COA1: variants seen among roughly 807,000 people sequenced by gnomAD.
COA1 encodes the protein cytochrome c oxidase assembly factor 1.
Under a neutral mutation model 16.0 loss-of-function variants are expected in COA1, and 13 were observed. The observed-to-expected ratio is 0.81, with a 90% confidence interval of 0.53 to 1.29. The LOEUF is 1.29. COA1 is among the 50% of genes most tolerant of loss of function. The pLI is 0.00. For synonymous variants in COA1, 65 were observed against 65.7 expected (o/e 0.99, Z 0.05); for missense variants, 179 against 177.0 (o/e 1.01, Z -0.06).
At chr7:43,620,292 G>T (rs903473792) in intron 6 of COA1, among the ~76,000 whole-genome samples, 1 of 152,322 alleles carries the variant, frequency 6.6e-6, no homozygotes, top group Admixed American at 6.5e-5. Flanking sequence ...AGGAAAATTG[G>T]AGTTTGAAAG....
chr7:43,692,510 C>T (rs955692759), intron 1 of COA1, among the ~76,000 whole-genome samples: 2 of 151,812 alleles, frequency 1.3e-5, no homozygotes, highest in African/African-American at 4.8e-5. Context: ...ACAGCAAGAC[C>T]CTGTCTTAAA....
chr7:43,724,799 C>G, intron 1 of COA1, among the ~76,000 whole-genome samples: 1 of 152,182 alleles, frequency 6.6e-6, no homozygotes, highest in East Asian at 1.9e-4. Flanking sequence ...AAACCAGACT[C>G]AAAAGGACAA....
chr7:43,654,714 TG>T (rs1460452199), intron 1 of COA1, among the ~76,000 whole-genome samples: 1 of 151,974 alleles, frequency 6.6e-6, no homozygotes, highest in Non-Finnish European at 1.5e-5. Flanking sequence ...CTAGAGTAAA[TG>T]GAAGATGAGA....
chr7:43,691,425 G>GGAAGGAAGAA (rs2094350011), intron 1 of COA1, among the ~76,000 whole-genome samples: 1 of 32,436 alleles, frequency 3.1e-5, no homozygotes, highest in South Asian at 1.6e-3. Context: ...GAAAGAAAAA[G>GGAAGGAAGAA]AAAGAAAGAA....
At chr7:43,698,920 G>C (rs1668653550) in intron 1 of COA1, among the ~76,000 whole-genome samples, 2 of 152,058 alleles carry the variant, frequency 1.3e-5, no homozygotes, top group African/African-American at 4.8e-5. Flanking sequence ...ATTCTGAAAA[G>C]TGAACATTTG....
chr7:43,609,095 C>T (rs960578022), exon 7 of COA1: 6 of 152,240 alleles, frequency 3.9e-5, no homozygotes, highest in African/African-American at 1.4e-4. Flanking sequence ...CAAACAAGTC[C>T]AGGGATAATT....
chr7:43,667,155 CCTTTTGAGTCAT>C (rs1355067269), intron 1 of COA1, among the ~76,000 whole-genome samples: 3 of 152,098 alleles, frequency 2.0e-5, no homozygotes, highest in Non-Finnish European at 2.9e-5. Context: ...AAGGTTTTTG[CCTTTTGAGTCAT>C]CATTTGGCAA....
chr7:43,720,169 C>T (rs1243468835), intron 1 of COA1, among the ~76,000 whole-genome samples: 1 of 151,864 alleles, frequency 6.6e-6, no homozygotes, highest in Admixed American at 6.6e-5. Flanking sequence ...ATCCCAGCTA[C>T]TCGGGAGGCT....
chr7:43,643,122 C>T (rs2087635523), intron 4 of COA1, among the ~76,000 whole-genome samples: 1 of 152,174 alleles, frequency 6.6e-6, no homozygotes, highest in Non-Finnish European at 1.5e-5. Flanking sequence ...ACAGCATGGC[C>T]AAGGCCCCAG....
rs2089735047 is a variant in COA1 at position 43,647,563 on chromosome 7, G to A, written c.87C>T (p.Gly29=). The A allele has an allele frequency of 6.2e-7, 1 of 1,613,952 alleles. No individual in the cohort carries two copies. Among genetic ancestry groups the A allele is most frequent in the Non-Finnish European group, 8.5e-7 (1 of 1,179,796 alleles). Residue 29 remains glycine, a synonymous_variant, in exon 3 of 6, where the codon GGC becomes GGT. Coordinates refer to ENST00000223336, the MANE Select transcript of COA1 (RefSeq NM_018224.4). ...GAATGAGGTAATACACAATGGCAAAGCCCCCGGCATAGAACACACCGTGGA... is the reference window on the plus strand; with the variant it reads ...GAATGAGGTAATACACAATGGCAAAACCCCCGGCATAGAACACACCGTGGA... ...ILFHGVFYAG[G]FAIVYYLIQK...
downstream of COA1, among the ~76,000 whole-genome samples, chr7:43,637,038 C>T (rs2085994093): frequency 6.6e-6 from 1 of 152,226 alleles, no homozygotes; most frequent in Admixed American, 6.5e-5. Flanking sequence ...CTCCCATCTG[C>T]CCGCTCTGGG....
At chr7:43,679,377 C>T (rs183070712) in intron 1 of COA1, among the ~76,000 whole-genome samples, 1 of 151,648 alleles carries the variant, frequency 6.6e-6, no homozygotes, top group Admixed American at 6.6e-5. Context: ...AACCACATTT[C>T]CTCTAAAGTA....
At chr7:43,691,346 AGGGAGGG>A (rs2094318012) in intron 1 of COA1, among the ~76,000 whole-genome samples, 1 of 12,104 alleles carries the variant, frequency 8.3e-5, no homozygotes, top group African/African-American at 3.5e-4. Flanking sequence ...AGAGAGAGGG[AGGGAGGG>A]AGGGAGGGAG....
intron 6 of COA1, among the ~76,000 whole-genome samples, chr7:43,610,812 G>A (rs111506357): frequency 6.6e-4 from 100 of 151,520 alleles, no homozygotes; most frequent in Admixed American, 2.0e-3. Context: ...GCATGAAGGC[G>A]CACTCTCAAG....
At chr7:43,689,364 G>A (rs1057184288) in intron 1 of COA1, among the ~76,000 whole-genome samples, 2 of 152,198 alleles carry the variant, frequency 1.3e-5, no homozygotes, top group African/African-American at 2.4e-5. Context: ...TGGTATGTGT[G>A]TGTTTGTGGA....
chr7:43,611,500 TTACC>T (rs1197607621), intron 6 of COA1, among the ~76,000 whole-genome samples: 1 of 152,128 alleles, frequency 6.6e-6, no homozygotes, highest in Non-Finnish European at 1.5e-5. Flanking sequence ...ATGCTGAAGG[TTACC>T]TAGTTAAAAC....
At chr7:43,660,016 C>T (rs1383724599) in intron 1 of COA1, among the ~76,000 whole-genome samples, 1 of 152,176 alleles carries the variant, frequency 6.6e-6, no homozygotes, top group African/African-American at 2.4e-5. Context: ...CAAGCCAAGG[C>T]AAAAGGCCTC....
chr7:43,687,304 A>C (rs2094082626), intron 1 of COA1, among the ~76,000 whole-genome samples: 1 of 152,220 alleles, frequency 6.6e-6, no homozygotes, highest in Non-Finnish European at 1.5e-5. Flanking sequence ...CTCAGCTTTC[A>C]TTACTATCAG....
intron 1 of COA1, among the ~76,000 whole-genome samples, chr7:43,654,362 G>T (rs780299888): frequency 1.3e-5 from 2 of 152,134 alleles, no homozygotes; most frequent in Non-Finnish European, 2.9e-5. Flanking sequence ...CTCACTCTAA[G>T]AAATAAAAGA....
Sources: allele counts gnomAD v4.1 joint callset (sites outside exome capture counted in the v4.1 genomes callset), GRCh38; gene constraint gnomAD v4.1.1; transcripts MANE v1.5; gene names NCBI Gene and HGNC (gene_info 2026-07-23, HGNC 2026-07-21).